LPCAT1: variants seen among roughly 807,000 people sequenced by gnomAD.
LPCAT1 encodes the protein 1-acylglycerol-3-phosphate O-acyltransferase.
A neutral mutation model predicts 60.9 loss-of-function variants in LPCAT1; 23 were observed. The ratio of observed to expected loss-of-function variants is 0.38; its 90% CI spans 0.27 to 0.53. LPCAT1 has a LOEUF of 0.53. Among genes scored for constraint, LPCAT1 ranks in the 20% least tolerant of loss-of-function variants. LPCAT1 has a pLI of 0.82. For synonymous variants in LPCAT1, 340 were observed against 301.1 expected (o/e 1.13, Z -1.34); for missense variants, 622 against 723.6 (o/e 0.86, Z 1.61).
intron 5 of LPCAT1, among the ~76,000 whole-genome samples, chr5:1,485,633 C>T (rs577623125): frequency 1.3e-5 from 2 of 152,368 alleles, no homozygotes; most frequent in South Asian, 4.1e-4. Context: ...CCATCCCCCA[C>T]AGCCCACCCC....
Position 1,474,669 on chromosome 5 carries a change from C to T in LPCAT1, c.916G>A (p.Val306Met), listed in dbSNP as rs764493318. 5.6e-6 allele frequency: 9 copies of T among 1,613,614 alleles called. No individual in the cohort carries two copies. In the East Asian group the frequency reaches 6.7e-5, roughly 12 times the overall value. The change falls in exon 10 of 14, where the codon GTG becomes ATG. Residue 306 changes from valine to methionine, a missense_variant. Around this residue, in one of 3 missense-constraint regions of LPCAT1, gnomAD observed 209 missense variants for 325.5 expected, o/e 0.64. Transcript: ENST00000283415. ...RVMAEALGVS[V>M]TDYTFEDCQL... is the part of the protein sequence containing the mutation. The stretch of plus-strand genomic sequence containing the variant: ...CAGTCCTCGAACGTGTAGTCAGTCA[C>T]GGAGACACCCAAGGCCCTACAAGGA...
At chr5:1,510,299 A>G (rs1224287421) in intron 1 of LPCAT1, among the ~76,000 whole-genome samples, 2 of 152,330 alleles carry the variant, frequency 1.3e-5, no homozygotes, top group East Asian at 1.9e-4. Context: ...AATTAAATAT[A>G]GCTTTTCTAA....
intron 13 of LPCAT1, among the ~76,000 whole-genome samples, chr5:1,466,330 G>A (rs1201792694): frequency 1.3e-5 from 2 of 151,938 alleles, no homozygotes; most frequent in South Asian, 4.2e-4. Context: ...GGTCTGCAGC[G>A]CCCGCCTCCT....
intron 1 of LPCAT1, among the ~76,000 whole-genome samples, chr5:1,509,656 C>T (rs1206689350): frequency 1.3e-5 from 2 of 152,180 alleles, no homozygotes; most frequent in African/African-American, 4.8e-5. Flanking sequence ...GCAGGAAACG[C>T]CCTCCTTTTC....
intron 8 of LPCAT1, 35 bp downstream of exon 8, chr5:1,479,586 T>C (rs760044506): frequency 6.6e-7 from 1 of 1,518,756 alleles, no homozygotes; most frequent in Non-Finnish European, 9.1e-7. Flanking sequence ...TCAACCACTG[T>C]GAAGAGCGCT....
At chr5:1,494,637 A>G (rs1735709598) in intron 3 of LPCAT1, 63 bp downstream of exon 3, 1 of 1,446,300 alleles carries the variant, frequency 6.9e-7, no homozygotes, top group Non-Finnish European at 9.7e-7. Context: ...TCTCAGCAGC[A>G]GGGGGATCTC....
At position 1,523,335 on chromosome 5, in the gene LPCAT1, G is replaced by A. The variant is rs1178234796; in HGVS notation, c.135+375C>T. ...ACGAGCGCGGGGACCGGCGATGCGG[G>A]TCCAGCCTCCCGCGGGAGCCGAGGT... On this transcript the variant is annotated intron_variant, in intron 1 of 13. Transcript: ENST00000283415. The surrounding 1 kb of genome is among the most constrained non-coding windows in gnomAD (Gnocchi z 7.1). 5.9e-5 allele frequency among the ~76,000 whole-genome samples: 9 copies of A among 151,872 alleles called. No individual in the cohort carries two copies. Among genetic ancestry groups the A allele is most frequent in the Non-Finnish European group, 1.2e-4 (8 of 67,926 alleles).
At chr5:1,470,758 G>A (rs1372336495) in intron 12 of LPCAT1, 68 bp downstream of exon 12, 24 of 1,209,412 alleles carry the variant, frequency 2.0e-5, no homozygotes, top group Non-Finnish European at 2.8e-5. Context: ...CTAGAGAAAT[G>A]AACAATGGTG....
Position 1,518,244 on chromosome 5 carries a change from C to T in LPCAT1, c.135+5466G>A, listed in dbSNP as rs182639126. Among the ~76,000 whole-genome samples, 746 of 151,858 alleles carry T rather than the reference C, an allele frequency of 4.9e-3. 6 individuals are homozygous for T. The highest frequency in any genetic ancestry group is 0.02 in the Middle Eastern group (6 of 294). On this transcript the variant is annotated intron_variant, in intron 1 of 13. Coordinates refer to ENST00000283415, the MANE Select transcript of LPCAT1 (RefSeq NM_024830.5). Reference sequence around the variant, plus strand: ...AGAAAAGGCAATGCGTGGTTTAAAGCGGAAAAAAAACACAGCTGAAAAAAA... The same window carrying T: ...AGAAAAGGCAATGCGTGGTTTAAAGTGGAAAAAAAACACAGCTGAAAAAAA...
At chr5:1,498,658 A>G (rs1009830271) in intron 2 of LPCAT1, among the ~76,000 whole-genome samples, 1 of 152,098 alleles carries the variant, frequency 6.6e-6, no homozygotes, top group African/African-American at 2.4e-5. Flanking sequence ...ACACAGAGAC[A>G]CAACACTCAT....
In LPCAT1 at chr5:1,480,930, C is replaced by A; in HGVS notation, c.761+12G>T. ...CAACAGGACAAAGAGGACGACACGG[C>A]GTTCAACTTACGCTCCAGGTCCTTG... On this transcript the variant is annotated intron_variant, in intron 7 of 13. Coordinates refer to ENST00000283415, the MANE Select transcript of LPCAT1 (RefSeq NM_024830.5). The surrounding 1 kb of genome is among the most constrained non-coding windows in gnomAD (Gnocchi z 6.4). 1 of 1,613,840 alleles carries A rather than the reference C, an allele frequency of 6.2e-7. No individual in the cohort carries two copies. Among genetic ancestry groups the A allele is most frequent in the Non-Finnish European group, 8.5e-7 (1 of 1,179,978 alleles).
rs1230553376 is a variant in LPCAT1, at chr5:1,477,496, C to T, written c.817-10G>A. 6.2e-7 allele frequency: 1 copy of T among 1,605,550 alleles called. No individual in the cohort carries two copies. Among genetic ancestry groups the T allele is most frequent in the Non-Finnish European group, 8.5e-7 (1 of 1,173,852 alleles). ...TGTACACAGGAAGGAACTGAGCACA[C>T]AGAGAAGCTGCGTTAGTATCACAAG... On this transcript the variant is annotated splice_polypyrimidine_tract_variant and intron_variant, in intron 8 of 13. Transcript: ENST00000283415. The surrounding 1 kb of genome is among the most constrained non-coding windows in gnomAD (Gnocchi z 6.0).
At chr5:1,501,706 G>A (rs2126589583) in intron 1 of LPCAT1, 103 bp from the exon 2 acceptor site, 5 of 1,156,950 alleles carry the variant, frequency 4.3e-6, no homozygotes, top group Non-Finnish European at 6.3e-6. Context: ...CCCACAGAGT[G>A]GAGAGCTGGG....
chr5:1,488,889 G>A (rs1392872061), intron 4 of LPCAT1, among the ~76,000 whole-genome samples: 1 of 152,252 alleles, frequency 6.6e-6, no homozygotes, highest in African/African-American at 2.4e-5. Context: ...CCGAAGGAGG[G>A]CTGGGACCCC....
rs752726870 is a variant in LPCAT1 at position 1,473,937 on chromosome 5, C to T, written c.1179+20G>A. 2 of 1,606,788 alleles carry T rather than the reference C, an allele frequency of 1.2e-6. No individual in the cohort carries two copies. The highest frequency in any genetic ancestry group is 1.1e-5 in the South Asian group (1 of 90,108). Reference sequence around the variant, plus strand: ...CAGGAGGTTTTGCCGACACCCCGCTCCGCAGGCGACAGGCCCTACCTCGTC... The same window carrying T: ...CAGGAGGTTTTGCCGACACCCCGCTTCGCAGGCGACAGGCCCTACCTCGTC... On this transcript the variant is annotated intron_variant, in intron 11 of 13. Transcript: ENST00000283415.
chr5:1,480,826 G>A lies in LPCAT1; in HGVS notation c.761+116C>T. ...TCACAATGGGCTGAACCTAACGGCT[G>A]TCCCACACCTGCTTTCACAACTGCA... On this transcript the variant is annotated intron_variant, in intron 7 of 13. Coordinates refer to ENST00000283415, the MANE Select transcript of LPCAT1 (RefSeq NM_024830.5). This position sits in a 1 kb window ranked among gnomAD's most constrained non-coding sequence, Gnocchi z 6.4. The A allele has an allele frequency of 1.6e-6, 2 of 1,261,202 alleles. No homozygotes were observed. Among genetic ancestry groups the A allele is most frequent in the Non-Finnish European group, 2.3e-6 (2 of 860,318 alleles). 78.1% of individuals were successfully genotyped at this position (1,261,202 alleles called of 1,614,324 possible). A position where few individuals can be genotyped will look rare whatever the true frequency, so the allele number is the denominator to read the frequency against.
chr5:1,500,254 G>A (rs886867845), intron 2 of LPCAT1, among the ~76,000 whole-genome samples: 2 of 152,244 alleles, frequency 1.3e-5, no homozygotes, highest in African/African-American at 2.4e-5. Context: ...TAGGACACGC[G>A]TGGTAACTTT....
intron 7 of LPCAT1, 141 bp from the exon 8 acceptor site, chr5:1,479,816 C>T (rs888908797): frequency 2.2e-5 from 15 of 669,618 alleles, no homozygotes; most frequent in African/African-American, 1.4e-4. Flanking sequence ...GAGGGGGTGC[C>T]GTGCCCACCC....
chr5:1,461,700 A>T lies in LPCAT1; in HGVS notation c.*1951T>A, dbSNP rs1734099080. ...GAAAAGAGAATCAGGAGGAACAAAC[A>T]TCCATTCAAAGTCTGTTTATCAGAG... On this transcript the variant is annotated 3_prime_UTR_variant, in exon 14 of 14. Transcript: ENST00000283415. 6.5e-6 allele frequency: 1 copy of T among 152,816 alleles called. No individual in the cohort carries two copies. The allele number at this position is 152,816 out of a possible 1,614,324, so 9.5% of individuals were successfully genotyped here.
Sources: allele counts gnomAD v4.1 joint callset (sites outside exome capture counted in the v4.1 genomes callset), GRCh38; gene constraint gnomAD v4.1.1; regional missense constraint gnomAD v4.1.1; non-coding constraint Gnocchi (gnomAD v3.1); transcripts MANE v1.5; gene names NCBI Gene and HGNC (gene_info 2026-07-23, HGNC 2026-07-21).